The following NKAIN3 variants were observed in gnomAD, a reference collection of about 807,000 sequenced individuals.
NKAIN3 encodes the protein sodium/potassium transporting ATPase interacting 3.
Under a neutral mutation model 30.2 loss-of-function variants are expected in NKAIN3, and 25 were observed. That is an observed-to-expected ratio of 0.83 (90% confidence interval 0.60 to 1.16). The LOEUF is 1.16. NKAIN3 is among the 50% of genes most tolerant of loss of function. The pLI, the probability that NKAIN3 is intolerant of heterozygous loss-of-function variation, is 0.00. For missense variants in NKAIN3, 225 were observed against 254.1 expected (o/e 0.89, Z 0.78); for synonymous variants, 91 against 89.6 (o/e 1.02, Z -0.09).
At chr8:62,416,893 G>A (rs1054754886) in intron 1 of NKAIN3, among the ~76,000 whole-genome samples, 67 of 151,798 alleles carry the variant, frequency 4.4e-4, no homozygotes, top group African/African-American at 1.5e-3. Context: ...TTGGGAGGCC[G>A]AGGCAGGAGA....
chr8:62,601,169 A>G (rs970865924), intron 3 of NKAIN3, among the ~76,000 whole-genome samples: 1 of 152,190 alleles, frequency 6.6e-6, no homozygotes, highest in Admixed American at 6.6e-5. Context: ...GTAGTTTGAA[A>G]TTAAATCAAG....
At chr8:62,847,016 C>T (rs1445644254) in intron 4 of NKAIN3, among the ~76,000 whole-genome samples, 1 of 152,164 alleles carries the variant, frequency 6.6e-6, no homozygotes, top group Non-Finnish European at 1.5e-5. Flanking sequence ...TTATCTCCAT[C>T]TGTCCCTGCC....
chr8:62,909,634 AT>A (rs1415928412), intron 4 of NKAIN3, among the ~76,000 whole-genome samples: 1 of 152,180 alleles, frequency 6.6e-6, no homozygotes, highest in Non-Finnish European at 1.5e-5. Flanking sequence ...GATCAACATG[AT>A]GTCTAGACAG....
At chr8:62,253,343 A>C (rs1812168299) in intron 1 of NKAIN3, among the ~76,000 whole-genome samples, 1 of 152,188 alleles carries the variant, frequency 6.6e-6, no homozygotes, top group African/African-American at 2.4e-5. Flanking sequence ...TGGGAAGCCA[A>C]GGTAGGAGGA....
At chr8:62,356,686 A>G (rs1816368001) in intron 1 of NKAIN3, among the ~76,000 whole-genome samples, 1 of 152,192 alleles carries the variant, frequency 6.6e-6, no homozygotes, top group Non-Finnish European at 1.5e-5. Context: ...CACAGCCTTC[A>G]GAGTAATCGA....
chr8:62,630,489 G>GAT (rs1239862879), intron 3 of NKAIN3, among the ~76,000 whole-genome samples: 82 of 152,188 alleles, frequency 5.4e-4, no homozygotes, highest in Non-Finnish European at 9.3e-4. Context: ...GTTCTTAAAG[G>GAT]CTGACAGGAG....
chr8:62,705,357 T>A (rs1814484831), intron 3 of NKAIN3, among the ~76,000 whole-genome samples: 1 of 152,166 alleles, frequency 6.6e-6, no homozygotes, highest in South Asian at 2.1e-4. Context: ...AGACCCTGAA[T>A]TATAGTTTGA....
chr8:62,352,546 A>C (rs1563361363), intron 1 of NKAIN3, among the ~76,000 whole-genome samples: 1 of 152,308 alleles, frequency 6.6e-6, no homozygotes, highest in East Asian at 1.9e-4. Flanking sequence ...GAGGCTCTGG[A>C]GGATTCTTTG....
chr8:62,726,096 G>T (rs190556665), intron 3 of NKAIN3, among the ~76,000 whole-genome samples: 49 of 151,786 alleles, frequency 3.2e-4, no homozygotes, highest in African/African-American at 1.2e-3. Flanking sequence ...TTTTATTTGG[G>T]GCTACTGTAA....
chr8:62,707,052 TACATACAC>T (rs1047370703), intron 3 of NKAIN3, among the ~76,000 whole-genome samples: 4 of 99,164 alleles, frequency 4.0e-5, no homozygotes, highest in African/African-American at 1.2e-4. Flanking sequence ...CCATCATACA[TACATACAC>T]ACACACACAC....
intron 1 of NKAIN3, among the ~76,000 whole-genome samples, chr8:62,577,058 T>C (rs1810132652): frequency 6.6e-6 from 1 of 152,160 alleles, no homozygotes; most frequent in Non-Finnish European, 1.5e-5. Context: ...TGAAGGCTTG[T>C]TGTTTTTAGT....
intron 1 of NKAIN3, among the ~76,000 whole-genome samples, chr8:62,282,862 C>G (rs1813249373): frequency 2.0e-5 from 3 of 152,140 alleles, no homozygotes; most frequent in South Asian, 2.1e-4. Flanking sequence ...TCCAGACACT[C>G]TATCCTCTCT....
chr8:62,822,679 G>A (rs1818884772), intron 4 of NKAIN3, among the ~76,000 whole-genome samples: 1 of 152,186 alleles, frequency 6.6e-6, no homozygotes, highest in African/African-American at 2.4e-5. Context: ...GCACTGTTAT[G>A]TGTACCTTGA....
At chr8:62,552,307 T>A (rs1809242157) in intron 1 of NKAIN3, among the ~76,000 whole-genome samples, 1 of 152,196 alleles carries the variant, frequency 6.6e-6, no homozygotes, top group Non-Finnish European at 1.5e-5. Flanking sequence ...AGTTCATAAT[T>A]TTGCCAAGCT....
intron 1 of NKAIN3, among the ~76,000 whole-genome samples, chr8:62,334,633 A>G (rs904149200): frequency 3.9e-5 from 6 of 152,136 alleles, no homozygotes; most frequent in Non-Finnish European, 8.8e-5. Flanking sequence ...TGTGTTTATT[A>G]TCTATTGCTA....
chr8:62,625,080 G>A (rs191648026), intron 3 of NKAIN3, among the ~76,000 whole-genome samples: 42 of 152,026 alleles, frequency 2.8e-4, no homozygotes, highest in African/African-American at 9.6e-4. Flanking sequence ...CAACATTCCT[G>A]CCATATCTGA....
At chr8:62,388,095 G>A (rs1194077043) in intron 1 of NKAIN3, among the ~76,000 whole-genome samples, 3 of 152,066 alleles carry the variant, frequency 2.0e-5, no homozygotes, top group African/African-American at 7.2e-5. Context: ...TTTCCAAAAT[G>A]TTTTATTTTA....
At chr8:62,501,050 T>C (rs1410925032) in intron 1 of NKAIN3, among the ~76,000 whole-genome samples, 2 of 152,210 alleles carry the variant, frequency 1.3e-5, no homozygotes, top group African/African-American at 4.8e-5. Flanking sequence ...CATATTCTTA[T>C]ACATGTTCCT....
chr8:62,929,788 A>G (rs894445254), intron 5 of NKAIN3, among the ~76,000 whole-genome samples: 5 of 152,184 alleles, frequency 3.3e-5, no homozygotes, highest in Non-Finnish European at 7.3e-5. Flanking sequence ...GCCCAGGGTG[A>G]CTTTAAATGT....
Sources: allele counts gnomAD v4.1 joint callset (sites outside exome capture counted in the v4.1 genomes callset), GRCh38; gene constraint gnomAD v4.1.1; transcripts MANE v1.5; gene names NCBI Gene and HGNC (gene_info 2026-07-23, HGNC 2026-07-21).